The following RXRA variants were observed in gnomAD, a reference collection of about 807,000 sequenced individuals.
RXRA encodes retinoic acid receptor RXR-alpha.
In RXRA, 5 loss-of-function variants were observed where a neutral mutation model predicts 44.5. That is an observed-to-expected ratio of 0.11 (90% confidence interval 0.06 to 0.24). RXRA has a LOEUF of 0.24. RXRA is among the 10% of genes least tolerant of loss of function. The probability of loss-of-function intolerance (pLI) is 1.00; values close to 1 mark genes in which losing one functional copy is unlikely to be tolerated. For missense variants in RXRA, 412 were observed against 646.5 expected, an observed-to-expected ratio of 0.64 and a Z score of 3.93; for synonymous variants, 291 against 271.4, an observed-to-expected ratio of 1.07 and a Z score of -0.71.
intron 1 of RXRA, among the ~76,000 whole-genome samples, chr9:134,399,911 G>C (rs35957165): frequency 6.6e-6 from 1 of 152,352 alleles, no homozygotes; most frequent in East Asian, 1.9e-4. Flanking sequence ...CCTGGGAGAG[G>C]AAGCAAGAGG....
chr9:134,366,519 G>T lies in RXRA; in HGVS notation c.29-35113G>T, dbSNP rs1257775593. On this transcript the variant is annotated intron_variant, in intron 1 of 9. Transcript: ENST00000481739. This position sits in a 1 kb window ranked among gnomAD's most constrained non-coding sequence, Gnocchi z 5.9. ...CTGGCGGGAGTCCCCCTCCCCAGCA[G>T]CCACCCCGTGCCATGGGCCTCCAGG... Among the ~76,000 whole-genome samples, 1 of 152,204 alleles carries T rather than the reference G, an allele frequency of 6.6e-6. No individual in the cohort carries two copies. The highest frequency in any genetic ancestry group is 6.5e-5 in the Admixed American group (1 of 15,294).
intron 1 of RXRA, among the ~76,000 whole-genome samples, chr9:134,374,303 C>T (rs1249603315): frequency 1.3e-5 from 2 of 152,246 alleles, no homozygotes; most frequent in Non-Finnish European, 1.5e-5. Context: ...GGTTGGCACT[C>T]ACCACCTGTG....
chr9:134,423,538 C>T (rs372179825), intron 6 of RXRA: 569 of 985,128 alleles, frequency 5.8e-4, no homozygotes, highest in Non-Finnish European at 6.6e-4. Flanking sequence ...GCCGTCGCCA[C>T]CCTCCTGGAA....
intron 1 of RXRA, among the ~76,000 whole-genome samples, chr9:134,384,183 C>T (rs1241661057): frequency 6.6e-6 from 1 of 151,948 alleles, no homozygotes; most frequent in Non-Finnish European, 1.5e-5. Flanking sequence ...TCAGTGTCAC[C>T]CCGGTTGGGG....
At chr9:134,401,541 G>T (rs535476808) in intron 1 of RXRA, 91 bp from the exon 2 acceptor site, 2 of 1,586,676 alleles carry the variant, frequency 1.3e-6, no homozygotes, top group Non-Finnish European at 1.7e-6. Flanking sequence ...CTTCCCGCAG[G>T]TGCGTGCATC....
chr9:134,355,916 G>A (rs1486893078), intron 1 of RXRA, among the ~76,000 whole-genome samples: 1 of 152,260 alleles, frequency 6.6e-6, no homozygotes, highest in African/African-American at 2.4e-5. Flanking sequence ...GTCAGGGTCT[G>A]CGCCCAGGTG....
intron 1 of RXRA, among the ~76,000 whole-genome samples, chr9:134,359,497 T>C (rs1349719145): frequency 3.9e-5 from 6 of 152,064 alleles, no homozygotes; most frequent in Non-Finnish European, 8.8e-5. Flanking sequence ...GAACATCAAT[T>C]CCATAAGTCA....
At position 134,414,036 on chromosome 9, in the gene RXRA, A is replaced by G. The variant is rs1055969543; in HGVS notation, c.611-3122A>G. 5.9e-5 allele frequency among the ~76,000 whole-genome samples: 9 copies of G among 152,322 alleles called. No individual in the cohort carries two copies. The East Asian group carries it at 1.7e-3, about 29-fold the overall frequency. On this transcript the variant is annotated intron_variant, in intron 4 of 9. Coordinates refer to ENST00000481739, the MANE Select transcript of RXRA (RefSeq NM_002957.6). ...GCCCGGCCTCCGGCGCCAGCGGAACATGAGTCAAGCATGACTTCGTCTAGA... is the reference window on the plus strand; with the variant it reads ...GCCCGGCCTCCGGCGCCAGCGGAACGTGAGTCAAGCATGACTTCGTCTAGA...
chr9:134,432,092 A>C (rs1831541610), intron 8 of RXRA, 96 bp downstream of exon 8: 4 of 884,558 alleles, frequency 4.5e-6, no homozygotes, highest in Non-Finnish European at 7.2e-6. Context: ...CTCTGGCTAC[A>C]TGTGGGGCCA....
chr9:134,380,963 A>G (rs1830635876), intron 1 of RXRA, among the ~76,000 whole-genome samples: 1 of 152,034 alleles, frequency 6.6e-6, no homozygotes, highest in Non-Finnish European at 1.5e-5. Flanking sequence ...GGTGCCCCTC[A>G]CTGTACTGGG....
chr9:134,407,411 C>T lies in RXRA; in HGVS notation c.280-738C>T, dbSNP rs990862509. The stretch of plus-strand genomic sequence containing the variant: ...GCGGGAAGCGCCTGTGGGTCCTCGG[C>T]GCTGACTGCAGAGCTGGGTGGAGGC... On this transcript the variant is annotated intron_variant, in intron 2 of 9. Coordinates refer to ENST00000481739, the MANE Select transcript of RXRA (RefSeq NM_002957.6). The surrounding 1 kb of genome is among the most constrained non-coding windows in gnomAD (Gnocchi z 4.8). Among the ~76,000 whole-genome samples, 5 of 152,304 alleles carry T rather than the reference C, an allele frequency of 3.3e-5. No individual in the cohort carries two copies. Among genetic ancestry groups the T allele is most frequent in the Admixed American group, 1.3e-4 (2 of 15,308 alleles).
At chr9:134,371,624 G>A (rs1235256892) in intron 1 of RXRA, among the ~76,000 whole-genome samples, 3 of 152,352 alleles carry the variant, frequency 2.0e-5, no homozygotes, top group East Asian at 3.9e-4. Context: ...AGGGCCTGGC[G>A]GCCAGCTCTT....
chr9:134,350,075 T>TGG (rs1830202347), intron 1 of RXRA, among the ~76,000 whole-genome samples: 1 of 144,958 alleles, frequency 6.9e-6, no homozygotes, highest in South Asian at 2.3e-4. Context: ...TGTGTGTGTG[T>TGG]AGGGGGGGGT....
Position 134,387,425 on chromosome 9 carries a change from C to T in RXRA, c.29-14207C>T, listed in dbSNP as rs751647672. 3.9e-4 allele frequency among the ~76,000 whole-genome samples: 59 copies of T among 152,248 alleles called. 1 individual carries two copies. The highest frequency in any genetic ancestry group is 6.3e-4 in the Non-Finnish European group (43 of 68,036). On this transcript the variant is annotated intron_variant, in intron 1 of 9. Transcript: ENST00000481739. ...GGGAGCCTCGGGGAGGGACTCAAAC[C>T]AGATCGGTCTGGCCAGGGTGCAAGC...
intron 6 of RXRA, chr9:134,427,266 C>A (rs1831450295): frequency 3.2e-6 from 2 of 628,090 alleles, no homozygotes; most frequent in Admixed American, 6.3e-5. Flanking sequence ...CCTGGGATGC[C>A]ACTGCATGCT....
chr9:134,398,219 A>C (rs1215122354), intron 1 of RXRA, among the ~76,000 whole-genome samples: 2 of 152,150 alleles, frequency 1.3e-5, no homozygotes, highest in Non-Finnish European at 2.9e-5. Flanking sequence ...ACCTCAGGTG[A>C]TCCACCCACC....
At chr9:134,419,827 G>T (rs550834155) in intron 5 of RXRA, among the ~76,000 whole-genome samples, 20 of 152,190 alleles carry the variant, frequency 1.3e-4, no homozygotes, top group Admixed American at 5.2e-4. Context: ...AGCCCTGCTG[G>T]TACTGGAGCG....
At chr9:134,347,317 A>G (rs914853) in intron 1 of RXRA, among the ~76,000 whole-genome samples, 52,534 of 152,210 alleles carry the variant, frequency 0.35, 9,582 homozygotes, top group African/African-American at 0.46. Context: ...ATTGCTGGGC[A>G]GATGACGCGC....
chr9:134,408,067 G>T, intron 2 of RXRA, 82 bp from the exon 3 acceptor site: 1 of 1,081,136 alleles, frequency 9.2e-7, no homozygotes, highest in Non-Finnish European at 1.3e-6. Flanking sequence ...GTACAGCTGC[G>T]CCATCCTTGC....
Sources: gnomAD v4.1 joint callset for allele counts (sites outside exome capture counted in the v4.1 genomes callset) on GRCh38, gnomAD v4.1.1 for gene constraint, Gnocchi (gnomAD v3.1) non-coding constraint, MANE v1.5 for transcripts, NCBI Gene and HGNC (gene_info 2026-07-23, HGNC 2026-07-21) for gene names.